ZNF641: variants seen among roughly 807,000 people sequenced by gnomAD.
The protein encoded by ZNF641 is zinc finger protein 641.
ZNF641 carries 26 observed loss-of-function variants against 46.2 expected under a neutral mutation model. The observed-to-expected ratio is 0.56, with a 90% CI of 0.41 to 0.78. ZNF641 has a LOEUF of 0.78. ZNF641 is among the 30% of genes least tolerant of loss of function. The pLI is 0.00. For missense variants in ZNF641, 469 were observed against 517.8 expected (o/e 0.91, Z 0.91); for synonymous variants, 163 against 187.9 (o/e 0.87, Z 1.09).
rs1178200480 is a variant in ZNF641, at chr12:48,349,959, AT to A, written c.-26+826del. 14 of 1,544,474 alleles carry A rather than the reference AT, an allele frequency of 9.1e-6. No individual in the cohort carries two copies. The Admixed American group carries it at 2.3e-4, about 26-fold the overall frequency. Reference sequence around the variant, plus strand: ...TGGGAAGCCTCTTTGTGCAGAGCCCATTGGGCCAGCTGTAAGTTTTTCTATA... The same window carrying A: ...TGGGAAGCCTCTTTGTGCAGAGCCCATGGGCCAGCTGTAAGTTTTTCTATA... On this transcript the variant is annotated intron_variant, in intron 1 of 5. Coordinates refer to ENST00000547026, the MANE Select transcript of ZNF641 (RefSeq NM_001172681.2).
downstream of ZNF641, among the ~76,000 whole-genome samples, chr12:48,336,817 T>C (rs2732448): frequency 0.24 from 36,395 of 152,190 alleles, 5,544 homozygotes; most frequent in South Asian, 0.36. Flanking sequence ...TCAGCCCTTG[T>C]AGGGCCTTGA....
chr12:48,350,264 G>C (rs1473609145), intron 1 of ZNF641: 1 of 1,426,100 alleles, frequency 7.0e-7, no homozygotes, highest in African/African-American at 1.4e-5. Context: ...ACAGAAAAGG[G>C]GCCATGTTAT....
chr12:48,345,557 G>A, intron 3 of ZNF641, 83 bp from the exon 4 acceptor site: 1 of 1,550,408 alleles, frequency 6.4e-7, no homozygotes, highest in Non-Finnish European at 8.8e-7. Flanking sequence ...GTTAGTAGAG[G>A]AGAGAGGGTG....
intron 3 of ZNF641, 129 bp from the exon 4 acceptor site, chr12:48,345,603 C>A: frequency 1.8e-6 from 2 of 1,116,730 alleles, no homozygotes; most frequent in Admixed American, 2.3e-5. Flanking sequence ...CCAGAAGTCC[C>A]TGGGTAGGGC....
rs1227405593 is a variant in ZNF641 at position 48,342,683 on chromosome 12, C to T, written c.*290G>A. 38 of 864,282 alleles carry T rather than the reference C, an allele frequency of 4.4e-5. 1 individual carries two copies. In the East Asian group the frequency reaches 9.3e-4, roughly 21 times the overall value. The allele number at this position is 864,282 out of a possible 1,614,324, so 53.5% of individuals were successfully genotyped here. ...GACTCCAACCAATCAGAATGGATTT[C>T]AGCCATAAACTGCCAGTACCACTCT... On this transcript the variant is annotated 3_prime_UTR_variant, in exon 6 of 6. Coordinates refer to ENST00000547026, the MANE Select transcript of ZNF641 (RefSeq NM_001172681.2).
chr12:48,344,305 GTTCTA>G (rs1423036164), intron 5 of ZNF641: 7 of 212,204 alleles, frequency 3.3e-5, no homozygotes, highest in Non-Finnish European at 4.7e-5. Flanking sequence ...GCTTGGCACT[GTTCTA>G]TTCTAATATT....
upstream of ZNF641, chr12:48,350,988 G>GGGAGAGGAGTGGGAGGGAGA (rs1565997393): frequency 4.5e-6 from 1 of 223,256 alleles, no homozygotes; most frequent in Non-Finnish European, 7.1e-6. Context: ...CGGAGGTGCG[G>GGGAGAGGAGTGGGAGGGAGA]GGAGTGGGAG....
chr12:48,347,725 C>T (rs893381257), intron 2 of ZNF641, among the ~76,000 whole-genome samples, 182 bp downstream of exon 2: 9 of 152,214 alleles, frequency 5.9e-5, no homozygotes, highest in South Asian at 4.1e-4. Flanking sequence ...AGCCCAGTTG[C>T]ATGGTTTGCT....
intron 2 of ZNF641, among the ~76,000 whole-genome samples, 165 bp downstream of exon 2, chr12:48,347,742 A>G (rs1227491030): frequency 6.6e-6 from 1 of 152,244 alleles, no homozygotes. Flanking sequence ...TGCTGAATTC[A>G]GGAGCCTATT....
chr12:48,334,912 C>T (rs986853389), downstream of ZNF641, among the ~76,000 whole-genome samples: 1 of 152,160 alleles, frequency 6.6e-6, no homozygotes, highest in Non-Finnish European at 1.5e-5. Flanking sequence ...TCCTCTCATA[C>T]CAGGATGTCT....
At chr12:48,347,396 TGG>T in intron 2 of ZNF641, 53 bp from the exon 3 acceptor site, 1 of 1,508,430 alleles carries the variant, frequency 6.6e-7, no homozygotes, top group South Asian at 1.3e-5. Context: ...CCTTTCTCAA[TGG>T]GGCCTGGGCC....
rs991519657 is a variant in ZNF641, at chr12:48,342,978, A to C, written c.1270T>G (p.Phe424Val). ...RNSWDRGTSV[F>V] is the part of the protein sequence containing the mutation. ...AGCTGTAGTGGAAACAGATTTCAAA[A>C]GACAGATGTTCCTCTGTCCCAGCTG... The change falls in exon 6 of 6, where the codon TTT becomes GTT. Residue 424 changes from phenylalanine to valine, a missense_variant. Phe to Val is a conservative substitution (Grantham distance 50). Coordinates refer to ENST00000547026, the MANE Select transcript of ZNF641 (RefSeq NM_001172681.2). 1 of 1,609,332 alleles carries C rather than the reference A, an allele frequency of 6.2e-7. No homozygotes were observed. Among genetic ancestry groups the C allele is most frequent in the Non-Finnish European group, 8.5e-7 (1 of 1,177,508 alleles).
chr12:48,347,910 TCTC>T lies in ZNF641; in HGVS notation c.178_180del (p.Glu60del), dbSNP rs1439683473. ...CACACACTCTGTGAGTTCTCACCCT[TCTC>T]CTGAAGGGACTGTGGCTCCTCTTCA... On this transcript the variant is annotated inframe_deletion, in exon 2 of 6. Transcript: ENST00000547026. The T allele has an allele frequency of 1.2e-6, 2 of 1,613,940 alleles. No individual in the cohort carries two copies. The highest frequency in any genetic ancestry group is 2.2e-5 in the East Asian group (1 of 44,880).
chr12:48,342,769 T>G lies in ZNF641; in HGVS notation c.*204A>C. 1 of 1,403,940 alleles carries G rather than the reference T, an allele frequency of 7.1e-7. No homozygotes were observed. The highest frequency in any genetic ancestry group is 9.2e-7 in the Non-Finnish European group (1 of 1,083,396). The allele number at this position is 1,403,940 out of a possible 1,614,324, so 87.0% of individuals were successfully genotyped here. A position where few individuals can be genotyped will look rare whatever the true frequency, so the allele number is the denominator to read the frequency against. ...TGTAGGATGCATTGCTTCCCAAAAGTTTTGCCCAAAGAACTCTATTTTTAT... is the reference window on the plus strand; with the variant it reads ...TGTAGGATGCATTGCTTCCCAAAAGGTTTGCCCAAAGAACTCTATTTTTAT... On this transcript the variant is annotated 3_prime_UTR_variant, in exon 6 of 6. Coordinates refer to ENST00000547026, the MANE Select transcript of ZNF641 (RefSeq NM_001172681.2).
rs146290932 is a variant in ZNF641 at position 48,343,292 on chromosome 12, G to A, written c.956C>T (p.Ser319Phe). 2.5e-6 allele frequency: 4 copies of A among 1,614,252 alleles called. No homozygotes were observed. The Admixed American group carries it at 6.7e-5, about 27-fold the overall frequency. Residue 319 changes from serine to phenylalanine, a missense_variant, in exon 6 of 6, where the codon TCC (serine) becomes TTC (phenylalanine). By Grantham distance (155) the Ser-to-Phe change is radical (BLOSUM62 -2). Transcript: ENST00000547026. ...SECGKNFRCN[S>F]HLASHQRVHA... is the part of the protein sequence containing the mutation. ...CACTCTCTGGTGGCTGGCCAGATGG[G>A]AGTTGCATCGGAAATTCTTACCACA...
In ZNF641 at chr12:48,341,754, T is replaced by TC. The variant is rs1952722733; in HGVS notation, c.*1218dup. On this transcript the variant is annotated 3_prime_UTR_variant, in exon 6 of 6. Coordinates refer to ENST00000547026, the MANE Select transcript of ZNF641 (RefSeq NM_001172681.2). The stretch of plus-strand genomic sequence containing the variant: ...TGAAATCAACAAGAAACAGCTCACC[T>TC]CCCCAAAGACTCCTCTTTCTCTGCC... 2 of 985,408 alleles carry TC rather than the reference T, an allele frequency of 2.0e-6. No homozygotes were observed. Among genetic ancestry groups the TC allele is most frequent in the Non-Finnish European group, 2.4e-6 (2 of 829,932 alleles). 61.0% of individuals were successfully genotyped at this position (985,408 alleles called of 1,614,324 possible).
At position 48,343,590 on chromosome 12, in the gene ZNF641, T is replaced by C. The variant is rs1273122931; in HGVS notation, c.658A>G (p.Arg220Gly). ...ESWDSMPSSS[R>G]GMLLGPPFLQ... ...AAAGGGGGCCCCAGGAGCATTCCTC[T>C]GGAGCTGCTGGGCATGGAATCCCAG... The change falls in exon 6 of 6, where the codon AGA (arginine) becomes GGA (glycine). Residue 220 changes from arginine to glycine, a missense_variant. By Grantham distance (125) the Arg-to-Gly change is moderately radical (BLOSUM62 -2). Transcript: ENST00000547026. The C allele has an allele frequency of 6.2e-7, 1 of 1,605,706 alleles. No homozygotes were observed. The highest frequency in any genetic ancestry group is 8.5e-7 in the Non-Finnish European group (1 of 1,175,564).
Position 48,344,641 on chromosome 12 carries a change from G to A in ZNF641, c.478C>T (p.Gln160Ter), listed in dbSNP as rs1952814184. The A allele has an allele frequency of 6.2e-7, 1 of 1,613,476 alleles. No individual in the cohort carries two copies. Among genetic ancestry groups the A allele is most frequent in the Non-Finnish European group, 8.5e-7 (1 of 1,179,634 alleles). ...AGAATGTCCCTCTCCTCTAAGTCCTGGGGGTCAGGGACCCATTGTTCTTCT... is the reference window on the plus strand; with the variant it reads ...AGAATGTCCCTCTCCTCTAAGTCCTAGGGGTCAGGGACCCATTGTTCTTCT... The part of the protein sequence containing the change: ...GGEEQWVPDP[Q>*]DLEERDILRV... Residue 160 changes from glutamine to a stop codon, truncating the protein, a stop_gained, in exon 5 of 6, where the codon CAG (glutamine) becomes TAG (stop). Coordinates refer to ENST00000547026, the MANE Select transcript of ZNF641 (RefSeq NM_001172681.2). LOFTEE classifies it high-confidence loss of function.
intron 3 of ZNF641, among the ~76,000 whole-genome samples, chr12:48,346,005 G>A (rs1952861550): frequency 6.6e-6 from 1 of 151,486 alleles, no homozygotes; most frequent in African/African-American, 2.4e-5. Context: ...CCAGGTTCAA[G>A]CGATTCTCCT....
Sources: allele counts gnomAD v4.1 joint callset (sites outside exome capture counted in the v4.1 genomes callset), GRCh38; gene constraint gnomAD v4.1.1; transcripts MANE v1.5; gene names NCBI Gene and HGNC (gene_info 2026-07-23, HGNC 2026-07-21).